Variants in COL27A1 observed in about 807,000 individuals in gnomAD.
COL27A1 encodes collagen type XXVII alpha 1 chain.
Under a neutral mutation model 251.3 loss-of-function variants are expected in COL27A1, and 106 were observed. That is an observed-to-expected ratio of 0.42 (90% CI 0.36 to 0.50). The LOEUF (loss-of-function observed/expected upper bound fraction) is 0.50. Ranked by LOEUF, COL27A1 falls within the 20% of genes least tolerant of loss-of-function variation. The pLI is 0.00. For synonymous variants in COL27A1, 1,000 were observed against 986.3 expected (o/e 1.01, Z -0.26); for missense variants, 2,325 against 2,522.8 (o/e 0.92, Z 1.68).
intron 14 of COL27A1, 139 bp downstream of exon 14, chr9:114,222,406 G>C: frequency 1.3e-6 from 1 of 742,640 alleles, no homozygotes; most frequent in Middle Eastern, 4.2e-4. Context: ...AGGGGCTGGG[G>C]GGCCAGGAGA....
At chr9:114,226,919 C>A (rs894504885) in intron 14 of COL27A1, among the ~76,000 whole-genome samples, 1 of 152,156 alleles carries the variant, frequency 6.6e-6, no homozygotes, top group Non-Finnish European at 1.5e-5. Context: ...GGGCCCTGAG[C>A]GAGAGGCATG....
Position 114,290,150 on chromosome 9 carries a change from G to GCCCCCCCCC in COL27A1, c.4260+42_4260+43insCCCCCCCCC. 6.3e-7 allele frequency: 1 copy of GCCCCCCCCC among 1,593,556 alleles called. No individual in the cohort carries two copies. The highest frequency in any genetic ancestry group is 8.6e-7 in the Non-Finnish European group (1 of 1,165,416). On this transcript the variant is annotated intron_variant, in intron 46 of 60. Coordinates refer to ENST00000356083, the MANE Select transcript of COL27A1 (RefSeq NM_032888.4). This position sits in a 1 kb window ranked among gnomAD's most constrained non-coding sequence, Gnocchi z 4.6. ...GCTGCTGTTTCCAGCCAACCTCCCTGCCCGCCCCCCACACCCGCCCTCCTC... is the reference window on the plus strand; with the variant it reads ...GCTGCTGTTTCCAGCCAACCTCCCTGCCCCCCCCCCCCGCCCCCCACACCCGCCCTCCTC...
At chr9:114,197,709 G>A (rs986105192) in intron 7 of COL27A1, among the ~76,000 whole-genome samples, 9 of 152,354 alleles carry the variant, frequency 5.9e-5, no homozygotes, top group Middle Eastern at 6.8e-3. Context: ...CAACTCACCT[G>A]AGCAGGGAGA....
In COL27A1 at chr9:114,282,531, C is replaced by A; in HGVS notation, c.3846C>A (p.Gly1282=). The change falls in exon 39 of 61, where the codon GGC becomes GGA. Residue 1282 remains glycine, a synonymous_variant. Transcript: ENST00000356083. ...PGDPGPPGTP[G]PKGSRGSLGP... ...ACCCTGGACCCCCTGGCACTCCAGG[C>A]CCTAAAGGGTCCCGGGGCAGCCTGG... The A allele has an allele frequency of 6.4e-7, 1 of 1,551,280 alleles. No homozygotes were observed.
At chr9:114,295,649 T>G (rs967871977) in intron 49 of COL27A1, among the ~76,000 whole-genome samples, 9 of 149,916 alleles carry the variant, frequency 6.0e-5, no homozygotes, top group Admixed American at 1.3e-4. Flanking sequence ...GGACAACTGG[T>G]TTTTTTTTGT....
At position 114,263,851 on chromosome 9, in the gene COL27A1, C is replaced by T. The variant is rs115281015; in HGVS notation, c.3196-504C>T. Among the ~76,000 whole-genome samples the T allele has an allele frequency of 4.4e-3, 668 of 152,276 alleles. 6 individuals carry two copies. The highest frequency in any genetic ancestry group is 0.015 in the African/African-American group (621 of 41,554). On this transcript the variant is annotated intron_variant, in intron 28 of 60. Transcript: ENST00000356083. ...TGTGAGCTGGGCTGTATTCGTTGTA[C>T]GTCTGGCTAGAGATGGGGCTGCTCC... is the stretch of plus-strand genomic sequence containing the variant.
At chr9:114,263,225 C>G (rs1834479413) in intron 28 of COL27A1, among the ~76,000 whole-genome samples, 2 of 152,164 alleles carry the variant, frequency 1.3e-5, no homozygotes, top group African/African-American at 4.8e-5. Context: ...GCGTGAGCCA[C>G]TGTGCCCAGC....
chr9:114,205,861 TG>T, intron 9 of COL27A1, 49 bp downstream of exon 9: 1 of 1,533,792 alleles, frequency 6.5e-7, no homozygotes. Context: ...GATGTGAAGA[TG>T]GCCACAGGTG....
Position 114,264,400 on chromosome 9 carries a change from G to A in COL27A1, c.3241G>A (p.Gly1081Ser). The A allele has an allele frequency of 1.3e-6, 2 of 1,588,388 alleles. No homozygotes were observed. Among genetic ancestry groups the A allele is most frequent in the Non-Finnish European group, 1.7e-6 (2 of 1,166,680 alleles). ...ACCAGCTGGGGAGCAAGGGTCCAGG[G>A]GCCTGAAGGTACCGACCCCTAGGAC... ...DGPAGEQGSR[G>S]LKGPPGPQGR... Residue 1081 changes from glycine to serine, a missense_variant, in exon 29 of 61, where the codon GGC becomes AGC. Transcript: ENST00000356083.
At chr9:114,204,315 C>A (rs942052172) in intron 7 of COL27A1, among the ~76,000 whole-genome samples, 2 of 152,132 alleles carry the variant, frequency 1.3e-5, no homozygotes, top group Admixed American at 6.5e-5. Context: ...CAATGGAAGC[C>A]CCCCATCTGA....
At chr9:114,262,938 A>ATTTTT (rs386415960) in intron 28 of COL27A1, among the ~76,000 whole-genome samples, 2,649 of 126,986 alleles carry the variant, frequency 0.021, 151 homozygotes, top group African/African-American at 0.028. Flanking sequence ...TCCTTGTTTG[A>ATTTTT]TTTTTTTTTT....
At chr9:114,228,326 C>G (rs1168195023) in intron 14 of COL27A1, among the ~76,000 whole-genome samples, 1 of 152,242 alleles carries the variant, frequency 6.6e-6, no homozygotes, top group Non-Finnish European at 1.5e-5. Flanking sequence ...TGCCTGGCCC[C>G]CGGCAGAGAA....
chr9:114,284,964 A>G (rs1827361041), intron 41 of COL27A1, among the ~76,000 whole-genome samples, 187 bp downstream of exon 41: 3 of 152,208 alleles, frequency 2.0e-5, no homozygotes, highest in Admixed American at 2.0e-4. Context: ...TCAGATCCAC[A>G]TTCAGCACTA....
At chr9:114,297,423 C>A (rs554295625) in intron 49 of COL27A1, among the ~76,000 whole-genome samples, 3 of 152,182 alleles carry the variant, frequency 2.0e-5, no homozygotes, top group Admixed American at 6.5e-5. Context: ...ATACAAAAAT[C>A]TTTAATAAAA....
intron 14 of COL27A1, among the ~76,000 whole-genome samples, chr9:114,222,597 C>T (rs916630098): frequency 6.6e-6 from 1 of 152,192 alleles, no homozygotes; most frequent in Non-Finnish European, 1.5e-5. Flanking sequence ...ACACCTGCTG[C>T]GTGCATGGCC....
At chr9:114,167,457 C>T (rs1189678221) in intron 2 of COL27A1, among the ~76,000 whole-genome samples, 1 of 152,120 alleles carries the variant, frequency 6.6e-6, no homozygotes, top group African/African-American at 2.4e-5. Context: ...GTTTTTTAAC[C>T]CCAACATGCA....
At chr9:114,228,174 G>A (rs1188620895) in intron 14 of COL27A1, among the ~76,000 whole-genome samples, 2 of 152,170 alleles carry the variant, frequency 1.3e-5, no homozygotes, top group African/African-American at 2.4e-5. Context: ...GGGGTGCTGC[G>A]CCGTGACTCC....
chr9:114,193,579 T>G (rs1428954307), intron 5 of COL27A1, among the ~76,000 whole-genome samples: 1 of 152,062 alleles, frequency 6.6e-6, no homozygotes, highest in Non-Finnish European at 1.5e-5. Flanking sequence ...CCCTAGACAG[T>G]CCCTTTCCTT....
intron 14 of COL27A1, among the ~76,000 whole-genome samples, chr9:114,228,576 C>T (rs890365730): frequency 1.3e-5 from 2 of 152,250 alleles, no homozygotes; most frequent in African/African-American, 2.4e-5. Flanking sequence ...TGAATCCCAG[C>T]GGTGCCCCGA....
Sources: allele counts gnomAD v4.1 joint callset (sites outside exome capture counted in the v4.1 genomes callset), GRCh38; gene constraint gnomAD v4.1.1; non-coding constraint Gnocchi (gnomAD v3.1); transcripts MANE v1.5; gene names NCBI Gene and HGNC (gene_info 2026-07-23, HGNC 2026-07-21).